Variants in PGLYRP3 observed in about 807,000 individuals in gnomAD.
The protein encoded by PGLYRP3 is peptidoglycan recognition protein 3, also known as peptidoglycan recognition protein I alpha.
PGLYRP3 carries 39 observed loss-of-function variants against 36.0 expected under a neutral mutation model. The ratio of observed to expected loss-of-function variants is 1.08; its 90% CI spans 0.84 to 1.41. PGLYRP3 has a LOEUF of 1.41. Ranked by LOEUF, PGLYRP3 falls within the 40% of genes most tolerant of loss-of-function variation. The pLI is 0.00. For synonymous variants in PGLYRP3, 204 were observed against 172.8 expected, an observed-to-expected ratio of 1.18 and a Z score of -1.42; for missense variants, 407 against 427.9, an observed-to-expected ratio of 0.95 and a Z score of 0.43.
At chr1:153,300,569 C>A (rs1659562870) in intron 6 of PGLYRP3, among the ~76,000 whole-genome samples, 1 of 152,156 alleles carries the variant, frequency 6.6e-6, no homozygotes, top group African/African-American at 2.4e-5. Flanking sequence ...TAAGAACTAG[C>A]ACAAAGACTC....
intron 5 of PGLYRP3, 141 bp from the exon 6 acceptor site, chr1:153,302,748 T>A: frequency 1.2e-6 from 1 of 815,388 alleles, no homozygotes; most frequent in East Asian, 2.6e-5. Context: ...ATATCAGCTT[T>A]GGGATTCTGG....
In PGLYRP3 at chr1:153,303,965, T is replaced by A. The variant is rs761066140; in HGVS notation, c.421A>T (p.Ile141Phe). ...PAALSAAEGLISYAIQKGHLS... is the reference protein window; with the variant it reads ...PAALSAAEGLFSYAIQKGHLS... ...TGACCCTTCTGGATGGCATAGGAGA[T>A]CAGACCCTCTGCAGCTGATAAGGCA... The change falls in exon 5 of 8, where the codon ATC (isoleucine) becomes TTC (phenylalanine). Residue 141 changes from isoleucine (I) to phenylalanine (F), a missense_variant. Physicochemically the swap from Ile to Phe is conservative, Grantham distance 21. Transcript: ENST00000683862. 9.9e-6 allele frequency: 16 copies of A among 1,613,526 alleles called. No homozygotes were observed. The highest frequency in any genetic ancestry group is 1.1e-5 in the South Asian group (1 of 91,002).
intron 5 of PGLYRP3, among the ~76,000 whole-genome samples, chr1:153,303,297 C>T (rs976444897): frequency 6.6e-6 from 1 of 152,162 alleles, no homozygotes; most frequent in African/African-American, 2.4e-5. Flanking sequence ...AGCTTTTCTC[C>T]GAGCTGTGGC....
chr1:153,302,584 A>G lies in PGLYRP3; in HGVS notation c.553T>C (p.Ser185Pro). 1 of 1,614,182 alleles carries G rather than the reference A, an allele frequency of 6.2e-7. No homozygotes were observed. The change falls in exon 6 of 8, where the codon TCT (serine) becomes CCT (proline). Residue 185 changes from serine (S) to proline (P), a missense_variant. Ser to Pro is a moderately conservative substitution (Grantham distance 74). Coordinates refer to ENST00000683862, the MANE Select transcript of PGLYRP3 (RefSeq NM_052891.3). ...TGTGTCTCTCTGGCTTCCCAAGCAG[A>G]TCGTTTGATGATGTTGGGGCAAACT... Reference protein sequence around the residue: ...RKVCPNIIKRSAWEARETHCP... With the variant: ...RKVCPNIIKRPAWEARETHCP...
rs1445896141 is a variant in PGLYRP3 at position 153,297,530 on chromosome 1, G to A, written c.*426C>T. On this transcript the variant is annotated 3_prime_UTR_variant, in exon 8 of 8. Transcript: ENST00000683862. Reference sequence around the variant, plus strand: ...AGGAAGGAAGGAAGGAAGGAAGGAAGGAAGGAAGGAAGGAAGGAAGGAAAG... The same window carrying A: ...AGGAAGGAAGGAAGGAAGGAAGGAAAGAAGGAAGGAAGGAAGGAAGGAAAG... 1.4e-3 allele frequency among the ~76,000 whole-genome samples: 123 copies of A among 87,040 alleles called. 2 individuals are homozygous for A. Among genetic ancestry groups the A allele is most frequent in the East Asian group, 6.2e-3 (25 of 4,008 alleles). The allele number at this position is 87,040 out of a possible 152,430, so 57.1% of individuals were successfully genotyped here.
Position 153,298,374 on chromosome 1 carries a change from G to A in PGLYRP3, c.848-240C>T, listed in dbSNP as rs141401104. On this transcript the variant is annotated intron_variant, in intron 7 of 7. Transcript: ENST00000683862. ...GAAGGTTAAAAACTGCTGTGGAGGG[G>A]GCCAGGTGCAGTAGCTCACGCCTGT... Among the ~76,000 whole-genome samples the A allele has an allele frequency of 5.8e-3, 882 of 152,230 alleles. 13 individuals carry two copies. Among genetic ancestry groups the A allele is most frequent in the African/African-American group, 0.02 (839 of 41,522 alleles).
intron 1 of PGLYRP3, among the ~76,000 whole-genome samples, 41 bp downstream of exon 1, chr1:153,312,602 T>TAC (rs3840431): frequency 0.098 from 14,673 of 150,016 alleles, 953 homozygotes; most frequent in Admixed American, 0.17. Flanking sequence ...TCTAAAGAAA[T>TAC]ACACACACAC....
At chr1:153,302,664 A>C in intron 5 of PGLYRP3, 57 bp from the exon 6 acceptor site, 3 of 1,524,904 alleles carry the variant, frequency 2.0e-6, no homozygotes, top group Middle Eastern at 2.3e-4. Flanking sequence ...TCTGTGAGCA[A>C]TCACTCAACT....
At chr1:153,308,924 C>T (rs150896679) in intron 2 of PGLYRP3, among the ~76,000 whole-genome samples, 2 of 152,306 alleles carry the variant, frequency 1.3e-5, no homozygotes, top group African/African-American at 4.8e-5. Context: ...GGTTCACCGG[C>T]AGACCTACTA....
At chr1:153,306,999 G>T in intron 3 of PGLYRP3, 67 bp downstream of exon 3, 2 of 1,474,836 alleles carry the variant, frequency 1.4e-6, no homozygotes, top group Non-Finnish European at 9.4e-7. Context: ...GAGCCACAGA[G>T]AAGGGGAAGT....
rs561878558 is a variant in PGLYRP3 at position 153,297,193 on chromosome 1, C to A, written c.*763G>T. Among the ~76,000 whole-genome samples, 91 of 152,224 alleles carry A rather than the reference C, an allele frequency of 6.0e-4. No individual in the cohort carries two copies. Among genetic ancestry groups the A allele is most frequent in the African/African-American group, 2.0e-3 (84 of 41,520 alleles). ...TTAAACTCCAAACACTGCTGAGGAA[C>A]TGAGGATAGAGATGAATAAAATAGA... On this transcript the variant is annotated 3_prime_UTR_variant, in exon 8 of 8. Transcript: ENST00000683862.
In PGLYRP3 at chr1:153,310,621, G is replaced by A. The variant is rs751784425; in HGVS notation, c.45C>T (p.Leu15=). The A allele has an allele frequency of 2.5e-6, 4 of 1,614,022 alleles. No individual in the cohort carries two copies. The African/African-American group carries it at 5.3e-5, about 22-fold the overall frequency. ...GTAAATAAAACTTACCCCAAGCCTG[G>A]AGACCCAGAATGAAGAAGGCAAGAA... ...PWLLAFFILG[L]QAWDTPTIVS... The change falls in exon 2 of 8, where the codon CTC becomes CTT. Residue 15 remains leucine (L), a synonymous_variant. Transcript: ENST00000683862.
chr1:153,311,441 G>C (rs890827054), intron 1 of PGLYRP3, among the ~76,000 whole-genome samples: 8 of 152,148 alleles, frequency 5.3e-5, no homozygotes, highest in African/African-American at 1.9e-4. Context: ...TAGGGTCAGA[G>C]CCAGATTCAT....
intron 1 of PGLYRP3, among the ~76,000 whole-genome samples, chr1:153,311,601 G>A (rs926530754): frequency 9.2e-5 from 14 of 152,130 alleles, no homozygotes; most frequent in East Asian, 1.9e-4. Flanking sequence ...GCTCTTTCAG[G>A]TAGAAGTGAA....
chr1:153,306,842 C>G (rs1184992905), intron 3 of PGLYRP3, among the ~76,000 whole-genome samples: 1 of 152,166 alleles, frequency 6.6e-6, no homozygotes, highest in African/African-American at 2.4e-5. Flanking sequence ...CTTGCTTTTT[C>G]ACAGGAGCAC....
At chr1:153,299,374 G>A (rs1435271646) in intron 6 of PGLYRP3, 143 bp from the exon 7 acceptor site, 6 of 693,466 alleles carry the variant, frequency 8.7e-6, no homozygotes, top group Middle Eastern at 2.6e-4. Context: ...ATGTGGACAA[G>A]GACAGAAAAC....
intron 4 of PGLYRP3, 35 bp from the exon 5 acceptor site, chr1:153,304,044 G>C (rs776076396): frequency 6.3e-7 from 1 of 1,588,290 alleles, no homozygotes; most frequent in Non-Finnish European, 8.6e-7. Flanking sequence ...AAAAATGTCA[G>C]TAAGAAACTC....
rs560403320 is a variant in PGLYRP3, at chr1:153,299,673, T to C, written c.729-442A>G. Among the ~76,000 whole-genome samples, 21 of 152,242 alleles carry C rather than the reference T, an allele frequency of 1.4e-4. No homozygotes were observed. The South Asian group carries it at 4.2e-3, about 30-fold the overall frequency. ...AACATGGTGCTCCTCCGCACTCTAG[T>C]CTAGGCCATTCTCTCACTCAACGTA... On this transcript the variant is annotated intron_variant, in intron 6 of 7. Transcript: ENST00000683862.
chr1:153,310,843 G>A, intron 1 of PGLYRP3, 137 bp from the exon 2 acceptor site: 1 of 600,246 alleles, frequency 1.7e-6, no homozygotes, highest in Non-Finnish European at 3.0e-6. Context: ...AGGCTTCTCG[G>A]GGCCCCTTAA....
Sources: allele counts gnomAD v4.1 joint callset (sites outside exome capture counted in the v4.1 genomes callset), GRCh38; gene constraint gnomAD v4.1.1; transcripts MANE v1.5; gene names NCBI Gene and HGNC (gene_info 2026-07-23, HGNC 2026-07-21).